The following FRMD4B variants were observed in gnomAD, a reference collection of about 807,000 sequenced individuals.
The protein encoded by FRMD4B is FERM domain-containing protein 4B.
A neutral mutation model predicts 141.5 loss-of-function variants in FRMD4B; 74 were observed. The ratio of observed to expected loss-of-function variants is 0.52; its 90% CI spans 0.43 to 0.63. FRMD4B has a LOEUF of 0.63. Ranked by LOEUF, FRMD4B falls within the 30% of genes least tolerant of loss-of-function variation. FRMD4B has a pLI of 0.00. For synonymous variants in FRMD4B, 506 were observed against 467.9 expected, an observed-to-expected ratio of 1.08 and a Z score of -1.05; for missense variants, 1,366 against 1,253.4, an observed-to-expected ratio of 1.09 and a Z score of -1.36.
rs2092708818 is a variant in FRMD4B, at chr3:69,181,575, G to A, written c.2175C>T (p.Ile725=). The A allele has an allele frequency of 6.2e-7, 1 of 1,613,776 alleles. No homozygotes were observed. Among genetic ancestry groups the A allele is most frequent in the South Asian group, 1.1e-5 (1 of 91,076 alleles). Reference sequence around the variant, plus strand: ...TTGTATAAGAAGACCCGTCATCGAGGATTTCTGTGCTGCTGCTTCTTTGGG... The same window carrying A: ...TTGTATAAGAAGACCCGTCATCGAGAATTTCTGTGCTGCTGCTTCTTTGGG... The part of the protein sequence containing the change: ...SKSQRSSSTE[I]LDDGSSYTSQ... Residue 725 remains isoleucine, a synonymous_variant, in exon 21 of 23, where the codon ATC becomes ATT. Coordinates refer to ENST00000398540, the MANE Select transcript of FRMD4B (RefSeq NM_015123.3).
intron 1 of FRMD4B, among the ~76,000 whole-genome samples, chr3:69,323,845 A>C (rs1245840171): frequency 6.6e-6 from 1 of 151,850 alleles, no homozygotes; most frequent in Non-Finnish European, 1.5e-5. Context: ...CTTAAGGGCT[A>C]TATTACTTCA....
intron 1 of FRMD4B, among the ~76,000 whole-genome samples, chr3:69,316,980 AG>A (rs923434736): frequency 1.3e-5 from 2 of 152,122 alleles, no homozygotes; most frequent in African/African-American, 4.8e-5. Flanking sequence ...AAAATTAGCC[AG>A]GCGTGGTGGC....
intron 7 of FRMD4B, among the ~76,000 whole-genome samples, chr3:69,226,957 C>T (rs887768962): frequency 6.6e-6 from 1 of 152,096 alleles, no homozygotes; most frequent in Non-Finnish European, 1.5e-5. Context: ...GAGATTTTTC[C>T]AGCATTCAGG....
chr3:69,300,383 G>T (rs994700087), intron 4 of FRMD4B, among the ~76,000 whole-genome samples: 19 of 152,176 alleles, frequency 1.2e-4, no homozygotes, highest in African/African-American at 4.6e-4. Context: ...AAAGTAATGC[G>T]AAGTGATTAG....
rs4855397 is a variant in FRMD4B, at chr3:69,374,593, G to A, written c.162+11235C>T. On this transcript the variant is annotated intron_variant, in intron 1 of 22. Coordinates refer to ENST00000398540, the MANE Select transcript of FRMD4B (RefSeq NM_015123.3). ...TAGAGCTTTTGTGCATGAGGATATCGAGTTCTTAGTACTATGGAGTAAGGG... is the reference window on the plus strand; with the variant it reads ...TAGAGCTTTTGTGCATGAGGATATCAAGTTCTTAGTACTATGGAGTAAGGG... Among the ~76,000 whole-genome samples the A allele has an allele frequency of 5.5e-3, 833 of 152,302 alleles. 30 individuals are homozygous for A. Among genetic ancestry groups the A allele is most frequent in the Admixed American group, 0.05 (762 of 15,290 alleles).
chr3:69,257,915 C>T (rs1336875811), intron 5 of FRMD4B, among the ~76,000 whole-genome samples: 1 of 152,204 alleles, frequency 6.6e-6, no homozygotes, highest in Non-Finnish European at 1.5e-5. Context: ...CAGCCTCTGC[C>T]TCCTGGGTTC....
At chr3:69,210,992 G>A (rs570388086) in intron 11 of FRMD4B, among the ~76,000 whole-genome samples, 21 of 112,396 alleles carry the variant, frequency 1.9e-4, no homozygotes, top group African/African-American at 4.6e-4. Context: ...CACTCCACCC[G>A]GGGCAACAAG....
chr3:69,261,177 T>TA (rs1179386370), intron 5 of FRMD4B, among the ~76,000 whole-genome samples: 1 of 152,218 alleles, frequency 6.6e-6, no homozygotes. Context: ...CTTTAAGAGC[T>TA]GTAACACTGC....
chr3:69,358,980 G>A (rs903262189), intron 1 of FRMD4B, among the ~76,000 whole-genome samples: 1 of 152,102 alleles, frequency 6.6e-6, no homozygotes, highest in African/African-American at 2.4e-5. Context: ...CCAGAACCAT[G>A]AGCCAAATAA....
intron 22 of FRMD4B, among the ~76,000 whole-genome samples, chr3:69,174,517 T>C (rs1467359782): frequency 6.6e-6 from 1 of 152,190 alleles, no homozygotes; most frequent in Admixed American, 6.6e-5. Flanking sequence ...TACTTATTTA[T>C]CTCTTTATTA....
intron 3 of FRMD4B, among the ~76,000 whole-genome samples, chr3:69,309,011 C>T (rs908198078): frequency 3.3e-5 from 5 of 152,194 alleles, no homozygotes; most frequent in Admixed American, 2.6e-4. Flanking sequence ...TTATGCTAGA[C>T]TATAGCATTG....
intron 1 of FRMD4B, among the ~76,000 whole-genome samples, chr3:69,496,968 T>A (rs1345534046): frequency 3.3e-5 from 5 of 152,078 alleles, no homozygotes; most frequent in Admixed American, 1.3e-4. Flanking sequence ...CATTGCTATG[T>A]GACTGGCATT....
At chr3:69,539,867 C>T (rs901886361) in intron 1 of FRMD4B, among the ~76,000 whole-genome samples, 12 of 151,912 alleles carry the variant, frequency 7.9e-5, no homozygotes, top group Non-Finnish European at 1.0e-4. Context: ...GTGCGTGTTA[C>T]TTTTTATTAC....
At chr3:69,244,747 A>G (rs2093411361) in intron 7 of FRMD4B, among the ~76,000 whole-genome samples, 1 of 151,528 alleles carries the variant, frequency 6.6e-6, no homozygotes. Flanking sequence ...TACAAAAATT[A>G]GCCGGGCATG....
chr3:69,530,500 G>A (rs1482457613), intron 1 of FRMD4B, among the ~76,000 whole-genome samples: 2 of 151,622 alleles, frequency 1.3e-5, no homozygotes, highest in African/African-American at 4.9e-5. Flanking sequence ...GCTCTGACCA[G>A]ATGCAGCCCA....
At chr3:69,267,655 AG>A (rs2093573595) in intron 5 of FRMD4B, among the ~76,000 whole-genome samples, 1 of 57,080 alleles carries the variant, frequency 1.8e-5, no homozygotes, top group Non-Finnish European at 3.8e-5. Flanking sequence ...AGAGAGAGAG[AG>A]AGAGAGAGAG....
intron 5 of FRMD4B, among the ~76,000 whole-genome samples, chr3:69,259,234 A>C (rs1217571843): frequency 6.6e-6 from 1 of 152,178 alleles, no homozygotes; most frequent in East Asian, 1.9e-4. Flanking sequence ...AATAGGGTTT[A>C]TGCCCCTACG....
intron 2 of FRMD4B, among the ~76,000 whole-genome samples, chr3:69,426,983 A>AT (rs1213677509): frequency 6.6e-6 from 1 of 151,972 alleles, no homozygotes; most frequent in Non-Finnish European, 1.5e-5. Context: ...AGGGATTCTT[A>AT]TTTTTTTATT....
intron 4 of FRMD4B, chr3:69,293,021 GT>G (rs1700923916): frequency 2.2e-6 from 1 of 454,038 alleles, no homozygotes; most frequent in African/African-American, 2.0e-5. Context: ...GCTCAGGAAG[GT>G]TTTGTCACTG....
Sources: allele counts gnomAD v4.1 joint callset (sites outside exome capture counted in the v4.1 genomes callset), GRCh38; gene constraint gnomAD v4.1.1; transcripts MANE v1.5; gene names NCBI Gene and HGNC (gene_info 2026-07-23, HGNC 2026-07-21).